SHOC2: variants seen among roughly 807,000 people sequenced by gnomAD.
SHOC2 encodes the protein leucine-rich repeat protein SHOC-2.
Under a neutral mutation model 50.2 loss-of-function variants are expected in SHOC2, and 4 were observed. The ratio of observed to expected loss-of-function variants is 0.08; its 90% CI spans 0.04 to 0.18. SHOC2 has a LOEUF of 0.18. Ranked by LOEUF, SHOC2 falls within the 10% of genes least tolerant of loss-of-function variation. The pLI is 1.00. For synonymous variants in SHOC2, 218 were observed against 244.5 expected (o/e 0.89, Z 1.01); for missense variants, 388 against 669.6 (o/e 0.58, Z 4.64).
Position 111,012,776 on chromosome 10 carries a change from C to T in SHOC2, c.*958C>T, listed in dbSNP as rs372493479. The stretch of plus-strand genomic sequence containing the variant: ...CTACAGTAGGTAACTTTAAGGATTT[C>T]TTCCTATCCTTGTACAATGACATGA... On this transcript the variant is annotated 3_prime_UTR_variant, in exon 9 of 9. Coordinates refer to ENST00000369452, the MANE Select transcript of SHOC2 (RefSeq NM_007373.4). 7.9e-5 allele frequency: 12 copies of T among 152,704 alleles called. No homozygotes were observed. The East Asian group carries it at 1.9e-3, about 25-fold the overall frequency. 9.5% of individuals were successfully genotyped at this position (152,704 alleles called of 1,614,324 possible).
chr10:110,984,309 A>G (rs751380323), intron 2 of SHOC2, among the ~76,000 whole-genome samples: 1 of 152,162 alleles, frequency 6.6e-6, no homozygotes, highest in African/African-American at 2.4e-5. Context: ...AGAAATATCT[A>G]TTGAAGTCCA....
chr10:110,972,565 A>G (rs1033557470), intron 2 of SHOC2, among the ~76,000 whole-genome samples: 2 of 152,188 alleles, frequency 1.3e-5, no homozygotes, highest in Non-Finnish European at 1.5e-5. Flanking sequence ...TATTATTGCT[A>G]AAGGAGGCAA....
At chr10:110,985,813 A>C in intron 3 of SHOC2, 48 bp downstream of exon 3, 7 of 1,466,184 alleles carry the variant, frequency 4.8e-6, no homozygotes, top group Non-Finnish European at 6.7e-6. Context: ...AGCTAACTGG[A>C]TATTAATAGG....
chr10:110,947,199 A>T (rs905809031), intron 1 of SHOC2, among the ~76,000 whole-genome samples: 5 of 152,196 alleles, frequency 3.3e-5, no homozygotes, highest in Non-Finnish European at 5.9e-5. Context: ...CCAGCACTAG[A>T]ACCACCTCAG....
At chr10:110,960,228 T>C (rs1351115731) in intron 1 of SHOC2, among the ~76,000 whole-genome samples, 2 of 152,268 alleles carry the variant, frequency 1.3e-5, no homozygotes, top group Non-Finnish European at 2.9e-5. Context: ...CTTACTCATT[T>C]GCATATTGTC....
intron 3 of SHOC2, among the ~76,000 whole-genome samples, chr10:110,996,489 C>T (rs776323256): frequency 3.6e-4 from 55 of 151,378 alleles, no homozygotes; most frequent in Non-Finnish European, 7.8e-4. Context: ...GATTGCGCCA[C>T]TGCATTCCAG....
chr10:110,989,186 C>G (rs1266530310), intron 3 of SHOC2, among the ~76,000 whole-genome samples: 1 of 152,132 alleles, frequency 6.6e-6, no homozygotes, highest in African/African-American at 2.4e-5. Flanking sequence ...GTGGAGTGAT[C>G]CATAAATATG....
upstream of SHOC2, chr10:110,919,409 C>T: frequency 2.5e-6 from 1 of 392,464 alleles, no homozygotes. Context: ...GGCGGCACTG[C>T]CCGTCTCTGA....
intron 4 of SHOC2, among the ~76,000 whole-genome samples, chr10:111,001,198 C>T (rs797003504): frequency 3.6e-5 from 5 of 140,322 alleles, no homozygotes; most frequent in African/African-American, 1.0e-4. Flanking sequence ...GCTCTTGTTG[C>T]CCAGGCTGGA....
At chr10:110,982,754 C>CT (rs1554859937) in intron 2 of SHOC2, among the ~76,000 whole-genome samples, 1 of 151,922 alleles carries the variant, frequency 6.6e-6, no homozygotes, top group Non-Finnish European at 1.5e-5. Context: ...ATTTTTGTGT[C>CT]TTAAGTTCCT....
chr10:110,939,243 C>T (rs374915260), intron 1 of SHOC2, among the ~76,000 whole-genome samples: 4 of 151,854 alleles, frequency 2.6e-5, no homozygotes, highest in South Asian at 4.1e-4. Flanking sequence ...TTTTGAGACT[C>T]GGTTTCACTG....
intron 3 of SHOC2, among the ~76,000 whole-genome samples, chr10:110,995,387 G>C (rs1848251933): frequency 6.6e-6 from 1 of 152,288 alleles, no homozygotes; most frequent in Non-Finnish European, 1.5e-5. Flanking sequence ...ACTAAGAATG[G>C]CTCAATGAAC....
At chr10:110,933,095 T>G (rs1186336426) in intron 1 of SHOC2, among the ~76,000 whole-genome samples, 3 of 152,150 alleles carry the variant, frequency 2.0e-5, no homozygotes, top group Non-Finnish European at 4.4e-5. Flanking sequence ...GATCTCTGAT[T>G]ATTATATAGA....
chr10:111,011,592 G>T lies in SHOC2; in HGVS notation c.1541-18G>T, dbSNP rs761816025. On this transcript the variant is annotated intron_variant, in intron 8 of 8. Coordinates refer to ENST00000369452, the MANE Select transcript of SHOC2 (RefSeq NM_007373.4). ...AGCAACTAATTTTTAAAAAAAAATT[G>T]ATTTTTTTTTTAAACAGGTACACTG... 1 of 1,581,032 alleles carries T rather than the reference G, an allele frequency of 6.3e-7. No homozygotes were observed.
At chr10:110,963,855 G>C (rs1335562494) in intron 1 of SHOC2, among the ~76,000 whole-genome samples, 6 of 152,056 alleles carry the variant, frequency 3.9e-5, no homozygotes, top group Non-Finnish European at 5.9e-5. Flanking sequence ...GCTTATTGTT[G>C]TGGTTTCTTC....
Position 111,009,822 on chromosome 10 carries a change from A to G in SHOC2, c.1532A>G (p.Glu511Gly). Residue 511 changes from glutamate (E) to glycine (G), a missense_variant, in exon 8 of 9, where the codon GAA becomes GGA. Around this residue, in one of 5 missense-constraint regions of SHOC2, gnomAD observed 130 missense variants for 208.6 expected, o/e 0.62. Transcript: ENST00000369452. ...GAGAACCTACTTACTCACCTTCCTG[A>G]AGAAATTGGTATGAACCCTGTGAAT... is the stretch of plus-strand genomic sequence containing the variant. Reference protein sequence around the residue: ...LGENLLTHLPEEIGTLENLEE... With the variant: ...LGENLLTHLPGEIGTLENLEE... The G allele has an allele frequency of 6.3e-7, 1 of 1,578,500 alleles. No individual in the cohort carries two copies. The highest frequency in any genetic ancestry group is 8.7e-7 in the Non-Finnish European group (1 of 1,147,512).
At chr10:110,955,657 A>C (rs114147090) in intron 1 of SHOC2, among the ~76,000 whole-genome samples, 250 of 152,334 alleles carry the variant, frequency 1.6e-3, no homozygotes, top group African/African-American at 5.8e-3. Flanking sequence ...TCAGGGGGAA[A>C]ATAGAATCTT....
chr10:110,938,440 T>A (rs1847071354), intron 1 of SHOC2, among the ~76,000 whole-genome samples: 3 of 152,162 alleles, frequency 2.0e-5, no homozygotes, highest in Admixed American at 6.5e-5. Context: ...TCAGTATTTT[T>A]AAAATCTCAA....
rs1318927586 is a variant in SHOC2, at chr10:111,009,158, T to G, written c.1285-90T>G. ...CCTTAATATTCACTGTTTGGAAAAT[T>G]AGCATTGCTTAATAGATTTTAAGCC... On this transcript the variant is annotated intron_variant, in intron 6 of 8. Coordinates refer to ENST00000369452, the MANE Select transcript of SHOC2 (RefSeq NM_007373.4). 1.2e-5 allele frequency: 10 copies of G among 853,158 alleles called. No individual in the cohort carries two copies. In the Admixed American group the frequency reaches 1.5e-4, roughly 13 times the overall value. The allele number at this position is 853,158 out of a possible 1,614,324, so 52.8% of individuals were successfully genotyped here.
Sources: allele counts gnomAD v4.1 joint callset (sites outside exome capture counted in the v4.1 genomes callset), GRCh38; gene constraint gnomAD v4.1.1; regional missense constraint gnomAD v4.1.1; transcripts MANE v1.5; gene names NCBI Gene and HGNC (gene_info 2026-07-23, HGNC 2026-07-21).